Variants in SYN3 observed in about 807,000 individuals in gnomAD.
The protein encoded by SYN3 is synapsin-3.
In SYN3, 35 loss-of-function variants were observed where a neutral mutation model predicts 65.8. That is an observed-to-expected ratio of 0.53 (90% CI 0.41 to 0.70). The LOEUF (loss-of-function observed/expected upper bound fraction) is 0.70. Ranked by LOEUF, SYN3 falls within the 30% of genes least tolerant of loss-of-function variation. The pLI, the probability that SYN3 is intolerant of heterozygous loss-of-function variation, is 0.00. For synonymous variants in SYN3, 270 were observed against 292.9 expected, an observed-to-expected ratio of 0.92 and a Z score of 0.80; for missense variants, 680 against 749.0, an observed-to-expected ratio of 0.91 and a Z score of 1.08.
intron 4 of SYN3, among the ~76,000 whole-genome samples, chr22:32,930,568 C>G (rs1162339310): frequency 6.6e-6 from 1 of 150,882 alleles, no homozygotes; most frequent in Non-Finnish European, 1.5e-5. Flanking sequence ...TTAGGATATA[C>G]TTCTCTTTCC....
At position 32,678,736 on chromosome 22, in the gene SYN3, A is replaced by T. The variant is rs1706793591; in HGVS notation, c.712-82000T>A. ...TAAGGAGCCATCCTCTCCTTTGCAA[A>T]ACACTATTCATCTCAGCTTGTGTGA... On this transcript the variant is annotated intron_variant, in intron 6 of 13. Transcript: ENST00000358763. Among the ~76,000 whole-genome samples, 4 of 151,968 alleles carry T rather than the reference A, an allele frequency of 2.6e-5. No individual in the cohort carries two copies. In the South Asian group the frequency reaches 8.3e-4, roughly 32 times the overall value.
At chr22:32,930,326 G>A (rs1309145132) in intron 4 of SYN3, among the ~76,000 whole-genome samples, 3 of 152,118 alleles carry the variant, frequency 2.0e-5, no homozygotes, top group Non-Finnish European at 4.4e-5. Context: ...TCCCTGCACA[G>A]GCTCTCGTTC....
chr22:32,558,740 A>ATCC (rs2058540693), intron 7 of SYN3, among the ~76,000 whole-genome samples: 1 of 152,224 alleles, frequency 6.6e-6, no homozygotes, highest in Non-Finnish European at 1.5e-5. Flanking sequence ...TTGCCAAGGT[A>ATCC]TCCCCCACTG....
At chr22:32,965,846 C>T (rs978095298) in intron 3 of SYN3, among the ~76,000 whole-genome samples, 10 of 152,230 alleles carry the variant, frequency 6.6e-5, no homozygotes, top group Non-Finnish European at 1.0e-4. Flanking sequence ...AGGCGCCCGC[C>T]ACCACACCCG....
At chr22:32,988,263 C>T (rs1177586705) in intron 2 of SYN3, among the ~76,000 whole-genome samples, 1 of 151,006 alleles carries the variant, frequency 6.6e-6, no homozygotes, top group Non-Finnish European at 1.5e-5. Flanking sequence ...GCCAAGATCT[C>T]GCCACTGCAC....
intron 1 of SYN3, among the ~76,000 whole-genome samples, chr22:33,046,505 G>C (rs1034022337): frequency 2.0e-5 from 3 of 152,050 alleles, no homozygotes; most frequent in African/African-American, 7.2e-5. Flanking sequence ...GGATCACAAG[G>C]TCAGGAGTTC....
At chr22:32,670,085 A>T (rs923841161) in intron 6 of SYN3, among the ~76,000 whole-genome samples, 1 of 152,206 alleles carries the variant, frequency 6.6e-6, no homozygotes, top group Non-Finnish European at 1.5e-5. Flanking sequence ...TATCATGTTT[A>T]AGGAATATTA....
chr22:32,794,581 G>A (rs2046388900), intron 6 of SYN3, among the ~76,000 whole-genome samples: 2 of 152,164 alleles, frequency 1.3e-5, no homozygotes, highest in Non-Finnish European at 2.9e-5. Context: ...TGTCTACTAT[G>A]TGCATATGAT....
chr22:32,679,083 C>T (rs1352476247), intron 6 of SYN3, among the ~76,000 whole-genome samples: 4 of 112,748 alleles, frequency 3.5e-5, no homozygotes, highest in African/African-American at 1.4e-4. Flanking sequence ...GATGGAGTCT[C>T]GATCTGTCAC....
chr22:33,015,309 T>C, intron 1 of SYN3: 2 of 683,192 alleles, frequency 2.9e-6, no homozygotes, highest in South Asian at 1.7e-5. Flanking sequence ...GAACAACATT[T>C]TCCTTAAAAA....
At chr22:32,648,407 A>T (rs909234785) in intron 6 of SYN3, among the ~76,000 whole-genome samples, 1 of 152,238 alleles carries the variant, frequency 6.6e-6, no homozygotes, top group Non-Finnish European at 1.5e-5. Context: ...TTTATTGAAG[A>T]TAAAACTTAA....
chr22:32,943,142 T>C (rs895561713), intron 3 of SYN3, among the ~76,000 whole-genome samples: 4 of 152,046 alleles, frequency 2.6e-5, no homozygotes, highest in African/African-American at 7.3e-5. Flanking sequence ...GACACATAAT[T>C]GTCAGATTCA....
intron 3 of SYN3, among the ~76,000 whole-genome samples, chr22:32,947,900 G>C (rs1447282073): frequency 1.3e-5 from 2 of 152,136 alleles, no homozygotes; most frequent in Non-Finnish European, 2.9e-5. Context: ...TGGCCAGCTG[G>C]GCTCTTATTG....
rs112215396 is a variant in SYN3, at chr22:32,540,937, C to T, written c.917+634G>A. 7.2e-5 allele frequency among the ~76,000 whole-genome samples: 11 copies of T among 152,310 alleles called. 1 individual carries two copies. The highest frequency in any genetic ancestry group is 2.4e-4 in the African/African-American group (10 of 41,584). On this transcript the variant is annotated intron_variant, in intron 8 of 13. Coordinates refer to ENST00000358763, the MANE Select transcript of SYN3 (RefSeq NM_003490.4). ...GTTTATTATTATTTCTGGCTGCCCA[C>T]CTTCCTGGGGCTACTCTGTATCTGA...
chr22:32,964,569 G>T (rs1485239933), intron 3 of SYN3, among the ~76,000 whole-genome samples: 2 of 152,118 alleles, frequency 1.3e-5, no homozygotes, highest in Non-Finnish European at 2.9e-5. Flanking sequence ...GGGAAAACAG[G>T]TAGACACAGG....
chr22:32,593,122 C>T (rs1430658647), intron 7 of SYN3, among the ~76,000 whole-genome samples: 1 of 152,170 alleles, frequency 6.6e-6, no homozygotes, highest in African/African-American at 2.4e-5. Flanking sequence ...ATGAATATGA[C>T]ATCCTTTGCT....
chr22:32,840,019 C>T (rs2047847596), intron 6 of SYN3, among the ~76,000 whole-genome samples: 1 of 152,068 alleles, frequency 6.6e-6, no homozygotes, highest in South Asian at 2.1e-4. Flanking sequence ...AGGTCCAGGA[C>T]AGGGCATCCC....
intron 1 of SYN3, among the ~76,000 whole-genome samples, chr22:33,021,142 A>G (rs754937689): frequency 1.3e-5 from 2 of 152,178 alleles, no homozygotes; most frequent in Non-Finnish European, 1.5e-5. Flanking sequence ...GAGCTTTGGC[A>G]TGGATCTGAC....
rs138496113 is a variant in SYN3 at position 32,515,371 on chromosome 22, A to T, written c.1611-1547T>A. Among the ~76,000 whole-genome samples, 30 of 152,324 alleles carry T rather than the reference A, an allele frequency of 2.0e-4. No individual in the cohort carries two copies. In the East Asian group the frequency reaches 5.6e-3, roughly 28 times the overall value. ...TGTGCATAAACTCATTGCAATCCTTATAATAACCCTGTGCGGTTATTGTCC... is the reference window on the plus strand; with the variant it reads ...TGTGCATAAACTCATTGCAATCCTTTTAATAACCCTGTGCGGTTATTGTCC... On this transcript the variant is annotated intron_variant, in intron 13 of 13. Coordinates refer to ENST00000358763, the MANE Select transcript of SYN3 (RefSeq NM_003490.4).
Sources: allele counts gnomAD v4.1 joint callset (sites outside exome capture counted in the v4.1 genomes callset), GRCh38; gene constraint gnomAD v4.1.1; transcripts MANE v1.5; gene names NCBI Gene and HGNC (gene_info 2026-07-23, HGNC 2026-07-21).